Variants in CNTN5 observed in about 807,000 individuals in gnomAD.
CNTN5 encodes the protein contactin-5.
CNTN5 carries 77 observed loss-of-function variants against 129.1 expected under a neutral mutation model. The ratio of observed to expected loss-of-function variants is 0.60; its 90% CI spans 0.50 to 0.72. CNTN5 has a LOEUF of 0.72. Among genes scored for constraint, CNTN5 ranks in the 30% least tolerant of loss-of-function variants. CNTN5 has a pLI of 0.00. For synonymous variants in CNTN5, 509 were observed against 465.6 expected (o/e 1.09, Z -1.20); for missense variants, 1,478 against 1,328.8 (o/e 1.11, Z -1.75).
chr11:99,842,937 A>C (rs1321678688), intron 4 of CNTN5, among the ~76,000 whole-genome samples: 1 of 152,168 alleles, frequency 6.6e-6, no homozygotes, highest in Non-Finnish European at 1.5e-5. Context: ...TAGCTCAAAA[A>C]AAGTGCAGCT....
At chr11:99,431,967 T>C (rs1943387372) in intron 2 of CNTN5, among the ~76,000 whole-genome samples, 1 of 152,090 alleles carries the variant, frequency 6.6e-6, no homozygotes, top group South Asian at 2.1e-4. Flanking sequence ...TCAGTCCACA[T>C]GTTTCAAGAC....
At chr11:100,293,273 AAGG>A (rs1951032953) in intron 18 of CNTN5, among the ~76,000 whole-genome samples, 1 of 151,838 alleles carries the variant, frequency 6.6e-6, no homozygotes, top group Non-Finnish European at 1.5e-5. Context: ...TGCCACTTAC[AAGG>A]AGGTTTATAA....
At chr11:99,039,122 A>C (rs1238929587) in intron 1 of CNTN5, among the ~76,000 whole-genome samples, 2 of 152,184 alleles carry the variant, frequency 1.3e-5, no homozygotes, top group East Asian at 3.8e-4. Flanking sequence ...TGAATTAAGA[A>C]TAGAGTCCAT....
chr11:99,903,850 T>C (rs571441694), intron 6 of CNTN5, among the ~76,000 whole-genome samples: 2 of 152,204 alleles, frequency 1.3e-5, no homozygotes, highest in East Asian at 3.9e-4. Context: ...GATTTACAAA[T>C]GGGCAAATGA....
At chr11:100,026,525 G>C (rs912133478) in intron 9 of CNTN5, among the ~76,000 whole-genome samples, 1 of 152,140 alleles carries the variant, frequency 6.6e-6, no homozygotes, top group African/African-American at 2.4e-5. Context: ...AGTTCTTCTT[G>C]TTCTATTCCT....
intron 6 of CNTN5, among the ~76,000 whole-genome samples, chr11:99,867,845 C>G (rs1948395695): frequency 6.6e-6 from 1 of 152,150 alleles, no homozygotes; most frequent in Admixed American, 6.6e-5. Flanking sequence ...ATTGTTTTGC[C>G]TACTACCTGG....
intron 1 of CNTN5, among the ~76,000 whole-genome samples, chr11:99,296,630 A>G (rs924302440): frequency 1.3e-5 from 2 of 152,174 alleles, no homozygotes; most frequent in African/African-American, 4.8e-5. Context: ...GGAATATGGA[A>G]CCAAACATTG....
intron 13 of CNTN5, among the ~76,000 whole-genome samples, chr11:100,147,767 G>A (rs1020658399): frequency 3.3e-5 from 5 of 151,650 alleles, no homozygotes; most frequent in Admixed American, 6.6e-5. Context: ...TTGAACTTTC[G>A]AGGTTCTGCC....
intron 2 of CNTN5, among the ~76,000 whole-genome samples, chr11:99,434,051 GCCA>G (rs1943504857): frequency 6.6e-6 from 1 of 152,046 alleles, no homozygotes; most frequent in Non-Finnish European, 1.5e-5. Context: ...TGTGCTCAGT[GCCA>G]TACCTACAAT....
chr11:99,749,112 C>T (rs1167237824), intron 3 of CNTN5, among the ~76,000 whole-genome samples: 1 of 151,998 alleles, frequency 6.6e-6, no homozygotes, highest in Non-Finnish European at 1.5e-5. Flanking sequence ...ACAGATTATC[C>T]ACATGGGTGG....
intron 18 of CNTN5, among the ~76,000 whole-genome samples, chr11:100,287,274 T>C (rs1465142552): frequency 6.6e-6 from 1 of 151,960 alleles, no homozygotes; most frequent in East Asian, 1.9e-4. Context: ...AAGATACTCC[T>C]CGAGAAGAGC....
At position 99,844,921 on chromosome 11, in the gene CNTN5, A is replaced by G. The variant is rs1189697804; in HGVS notation, c.347A>G (p.Glu116Gly). ...DDIIFPTDSDEKKVALNCEVR... is the reference protein window; with the variant it reads ...DDIIFPTDSDGKKVALNCEVR... ...ATTATTTTTCCAACTGATTCTGATG[A>G]AAAGAAGGTAGCATTGAATTGTGAA... The change falls in exon 5 of 25, where the codon GAA (glutamate) becomes GGA (glycine). Residue 116 changes from glutamate (E) to glycine (G), a missense_variant. Physicochemically the swap from Glu to Gly is moderately conservative, Grantham distance 98. Transcript: ENST00000524871. 3 of 1,613,726 alleles carry G rather than the reference A, an allele frequency of 1.9e-6. No individual in the cohort carries two copies.
intron 1 of CNTN5, among the ~76,000 whole-genome samples, chr11:99,115,481 G>T (rs557133672): frequency 6.6e-6 from 1 of 152,100 alleles, no homozygotes; most frequent in African/African-American, 2.4e-5. Flanking sequence ...AATACTGGCC[G>T]GGTGCGGTGG....
intron 9 of CNTN5, among the ~76,000 whole-genome samples, chr11:100,041,123 C>T (rs1942355953): frequency 6.6e-6 from 1 of 152,132 alleles, no homozygotes; most frequent in African/African-American, 2.4e-5. Context: ...TGGCTCCTCC[C>T]TTTTCAGTAT....
At chr11:99,322,558 T>G (rs574168096) in intron 1 of CNTN5, among the ~76,000 whole-genome samples, 1 of 152,288 alleles carries the variant, frequency 6.6e-6, no homozygotes, top group East Asian at 1.9e-4. Flanking sequence ...TTGATAAAAA[T>G]TAATTATCAA....
chr11:99,912,144 A>G (rs1949676827), intron 6 of CNTN5, among the ~76,000 whole-genome samples: 1 of 151,996 alleles, frequency 6.6e-6, no homozygotes, highest in African/African-American at 2.4e-5. Flanking sequence ...AGGAAGGAAG[A>G]CAAGGCAAAA....
chr11:99,722,446 C>T (rs1943204510), intron 3 of CNTN5, among the ~76,000 whole-genome samples: 1 of 151,966 alleles, frequency 6.6e-6, no homozygotes, highest in Admixed American at 6.6e-5. Context: ...CTTATGAACA[C>T]AAAGACGAAA....
chr11:99,496,173 A>G (rs1411486323), intron 2 of CNTN5, among the ~76,000 whole-genome samples: 1 of 152,204 alleles, frequency 6.6e-6, no homozygotes, highest in Non-Finnish European at 1.5e-5. Flanking sequence ...GTAATCATGC[A>G]TCTATTTTTG....
At chr11:99,255,088 TC>T (rs948357882) in intron 1 of CNTN5, among the ~76,000 whole-genome samples, 1 of 151,938 alleles carries the variant, frequency 6.6e-6, no homozygotes, top group African/African-American at 2.4e-5. Context: ...AGAAACTATT[TC>T]TATTATATAT....
Sources: allele counts gnomAD v4.1 joint callset (sites outside exome capture counted in the v4.1 genomes callset), GRCh38; gene constraint gnomAD v4.1.1; transcripts MANE v1.5; gene names NCBI Gene and HGNC (gene_info 2026-07-23, HGNC 2026-07-21).